Variants in PPP1R16B observed in about 807,000 individuals in gnomAD.
PPP1R16B encodes protein phosphatase 1 regulatory inhibitor subunit 16B.
A neutral mutation model predicts 61.7 loss-of-function variants in PPP1R16B; 14 were observed. The ratio of observed to expected loss-of-function variants is 0.23; its 90% CI spans 0.15 to 0.35. The LOEUF is 0.35. Among genes scored for constraint, PPP1R16B ranks in the 10% least tolerant of loss-of-function variants. The probability of loss-of-function intolerance (pLI) is 1.00; values close to 1 mark genes in which losing one functional copy is unlikely to be tolerated. For missense variants in PPP1R16B, 547 were observed against 752.5 expected, an observed-to-expected ratio of 0.73 and a Z score of 3.19; for synonymous variants, 266 against 305.3, an observed-to-expected ratio of 0.87 and a Z score of 1.34.
intron 1 of PPP1R16B, among the ~76,000 whole-genome samples, chr20:38,819,705 C>T (rs1489950924): frequency 6.6e-6 from 1 of 151,800 alleles, no homozygotes; most frequent in Non-Finnish European, 1.5e-5. Flanking sequence ...ACCTGGGGAG[C>T]TTTTAAAAAC....
At chr20:38,832,538 T>C (rs2084843859) in intron 1 of PPP1R16B, among the ~76,000 whole-genome samples, 1 of 152,202 alleles carries the variant, frequency 6.6e-6, no homozygotes, top group African/African-American at 2.4e-5. Flanking sequence ...TCCCAAATGC[T>C]GAAGGGGAAC....
At chr20:38,890,173 C>A (rs1439822776) in intron 3 of PPP1R16B, among the ~76,000 whole-genome samples, 1 of 152,230 alleles carries the variant, frequency 6.6e-6, no homozygotes, top group Non-Finnish European at 1.5e-5. Flanking sequence ...TGTCACCTTT[C>A]ACGTGGATGC....
chr20:38,883,571 G>A (rs2085219258), intron 2 of PPP1R16B, among the ~76,000 whole-genome samples: 1 of 152,214 alleles, frequency 6.6e-6, no homozygotes, highest in Non-Finnish European at 1.5e-5. Context: ...CCACCTCTTT[G>A]CCATCTCAGT....
Position 38,865,614 on chromosome 20 carries a change from C to T in PPP1R16B, c.251-23981C>T, listed in dbSNP as rs77923124. ...CCTGCTGCATTCTTTAGATGCGTCACCTGGTACACCTTCCACTCACGTCCT... is the reference window on the plus strand; with the variant it reads ...CCTGCTGCATTCTTTAGATGCGTCATCTGGTACACCTTCCACTCACGTCCT... On this transcript the variant is annotated intron_variant, in intron 2 of 10. Coordinates refer to ENST00000299824, the MANE Select transcript of PPP1R16B (RefSeq NM_015568.4). Among the ~76,000 whole-genome samples, 756 of 152,272 alleles carry T rather than the reference C, an allele frequency of 5.0e-3. 5 individuals carry two copies. The highest frequency in any genetic ancestry group is 0.013 in the African/African-American group (534 of 41,554).
chr20:38,840,770 C>T (rs2084904324), intron 2 of PPP1R16B, among the ~76,000 whole-genome samples: 1 of 152,182 alleles, frequency 6.6e-6, no homozygotes, highest in South Asian at 2.1e-4. Flanking sequence ...CTAGCTCTAC[C>T]GTTTACTAGC....
chr20:38,841,353 G>GAAAAAAAA (rs34203271), intron 2 of PPP1R16B, among the ~76,000 whole-genome samples: 1 of 42,584 alleles, frequency 2.3e-5, no homozygotes, highest in Admixed American at 3.3e-4. Context: ...TGTCTGTACT[G>GAAAAAAAA]AAAAAAAAAA....
intron 1 of PPP1R16B, among the ~76,000 whole-genome samples, chr20:38,807,233 G>GT (rs1290016273): frequency 6.6e-6 from 1 of 152,194 alleles, no homozygotes; most frequent in African/African-American, 2.4e-5. Flanking sequence ...TCCAAGGCTG[G>GT]TAATAAAGCT....
rs1019681158 is a variant in PPP1R16B at position 38,919,390 on chromosome 20, G to C, written c.*724G>C. 4.6e-5 allele frequency: 7 copies of C among 152,290 alleles called. No individual in the cohort carries two copies. The highest frequency in any genetic ancestry group is 1.7e-4 in the African/African-American group (7 of 41,442). 9.4% of individuals were successfully genotyped at this position (152,290 alleles called of 1,614,324 possible). Reference sequence around the variant, plus strand: ...CAGGAGCCAGCTGTGTGACCATCCAGGGGTGGAGGGGGAAAACCAGGCAAT... The same window carrying C: ...CAGGAGCCAGCTGTGTGACCATCCACGGGTGGAGGGGGAAAACCAGGCAAT... On this transcript the variant is annotated 3_prime_UTR_variant, in exon 11 of 11. Transcript: ENST00000299824.
At chr20:38,895,366 G>A (rs930802537) in intron 3 of PPP1R16B, among the ~76,000 whole-genome samples, 199 bp from the exon 4 acceptor site, 3 of 150,754 alleles carry the variant, frequency 2.0e-5, no homozygotes, top group African/African-American at 7.5e-5. Flanking sequence ...TACTCACAAG[G>A]AGACTGAGGC....
chr20:38,869,927 T>A (rs1344486108), intron 2 of PPP1R16B, among the ~76,000 whole-genome samples: 2 of 143,810 alleles, frequency 1.4e-5, no homozygotes, highest in Non-Finnish European at 3.1e-5. Flanking sequence ...TATTTATTTA[T>A]TTTTTTTTTT....
At chr20:38,901,818 G>A (rs1478653588) in intron 5 of PPP1R16B, among the ~76,000 whole-genome samples, 6 of 152,184 alleles carry the variant, frequency 3.9e-5, no homozygotes, top group African/African-American at 7.2e-5. Context: ...TAGAAACTTC[G>A]TTAATTCATT....
chr20:38,820,918 G>A (rs2084769284), intron 1 of PPP1R16B, among the ~76,000 whole-genome samples: 1 of 151,538 alleles, frequency 6.6e-6, no homozygotes, highest in African/African-American at 2.4e-5. Context: ...GCAGGCGCCT[G>A]TAGTCCCAGC....
chr20:38,852,416 T>G (rs1401394139), intron 2 of PPP1R16B, among the ~76,000 whole-genome samples: 3 of 152,224 alleles, frequency 2.0e-5, no homozygotes, highest in Non-Finnish European at 2.9e-5. Context: ...TAAACTTGGA[T>G]AGTATGAGAC....
chr20:38,835,730 C>G (rs2084864897), intron 1 of PPP1R16B, 95 bp from the exon 2 acceptor site: 2 of 647,340 alleles, frequency 3.1e-6, no homozygotes, highest in Non-Finnish European at 2.5e-6. Flanking sequence ...AGGAAAACCT[C>G]AAAAGCGTTT....
intron 1 of PPP1R16B, among the ~76,000 whole-genome samples, chr20:38,815,762 T>A (rs2084731476): frequency 6.6e-6 from 1 of 152,262 alleles, no homozygotes; most frequent in Admixed American, 6.5e-5. Flanking sequence ...GGATTATGCC[T>A]ACATAATGAT....
rs550995883 is a variant in PPP1R16B, at chr20:38,922,852, T to C, written c.*4186T>C. On this transcript the variant is annotated 3_prime_UTR_variant, in exon 11 of 11. Transcript: ENST00000299824. ...ATCTTTGATATCGTACTGAGGTAACTTCCACGTAGCCCCTTGCCACGCGGC... is the reference window on the plus strand; with the variant it reads ...ATCTTTGATATCGTACTGAGGTAACCTCCACGTAGCCCCTTGCCACGCGGC... 4 of 152,574 alleles carry C rather than the reference T, an allele frequency of 2.6e-5. No individual in the cohort carries two copies. The highest frequency in any genetic ancestry group is 9.6e-5 in the African/African-American group (4 of 41,592). 9.5% of individuals were successfully genotyped at this position (152,574 alleles called of 1,614,324 possible).
intron 2 of PPP1R16B, among the ~76,000 whole-genome samples, chr20:38,872,005 C>T (rs999763381): frequency 6.6e-6 from 1 of 152,126 alleles, no homozygotes; most frequent in African/African-American, 2.4e-5. Context: ...CTTTTTCACA[C>T]TAAATCTTCA....
chr20:38,851,553 A>G (rs372349685), intron 2 of PPP1R16B, among the ~76,000 whole-genome samples: 1 of 152,204 alleles, frequency 6.6e-6, no homozygotes, highest in East Asian at 1.9e-4. Flanking sequence ...GGATCAGAGT[A>G]GCAATTCATG....
chr20:38,870,438 G>A (rs779028655), intron 2 of PPP1R16B, among the ~76,000 whole-genome samples: 1 of 152,178 alleles, frequency 6.6e-6, no homozygotes, highest in Non-Finnish European at 1.5e-5. Flanking sequence ...GAGGGACAGT[G>A]TGTGTATAGG....
Sources: allele counts gnomAD v4.1 joint callset (sites outside exome capture counted in the v4.1 genomes callset), GRCh38; gene constraint gnomAD v4.1.1; transcripts MANE v1.5; gene names NCBI Gene and HGNC (gene_info 2026-07-23, HGNC 2026-07-21).